The following NDUFS4 variants were observed in gnomAD, a reference collection of about 807,000 sequenced individuals.
NDUFS4 encodes NADH:ubiquinone oxidoreductase subunit S4.
A neutral mutation model predicts 24.3 loss-of-function variants in NDUFS4; 28 were observed. The ratio of observed to expected loss-of-function variants is 1.15; its 90% confidence interval spans 0.85 to 1.58. NDUFS4 has a LOEUF of 1.58. Among genes scored for constraint, NDUFS4 ranks in the 40% most tolerant of loss-of-function variants. NDUFS4 has a pLI of 0.00. For synonymous variants in NDUFS4, 93 were observed against 69.7 expected (o/e 1.34, Z -1.67); for missense variants, 223 against 207.9 (o/e 1.07, Z -0.45).
At chr5:53,630,916 T>G (rs1242656762) in intron 2 of NDUFS4, among the ~76,000 whole-genome samples, 2 of 152,206 alleles carry the variant, frequency 1.3e-5, no homozygotes, top group Non-Finnish European at 2.9e-5. Context: ...TCCAGTTTCC[T>G]TTTCTTGCTG....
At chr5:53,567,153 T>G (rs1749055703) in intron 1 of NDUFS4, among the ~76,000 whole-genome samples, 1 of 152,162 alleles carries the variant, frequency 6.6e-6, no homozygotes, top group African/African-American at 2.4e-5. Flanking sequence ...CCAGCACCCC[T>G]TAATATTTTA....
chr5:53,593,378 G>A (rs926670385), intron 1 of NDUFS4, among the ~76,000 whole-genome samples: 18 of 150,818 alleles, frequency 1.2e-4, no homozygotes, highest in Admixed American at 4.6e-4. Context: ...GATGATACCT[G>A]TTTCATTTTA....
intron 2 of NDUFS4, among the ~76,000 whole-genome samples, chr5:53,632,588 G>T (rs185762246): frequency 1.1e-4 from 16 of 152,166 alleles, no homozygotes; most frequent in South Asian, 6.2e-4. Flanking sequence ...TACCTTTTCT[G>T]CTCTGTGAGA....
At chr5:53,644,048 C>G (rs750949660) in intron 2 of NDUFS4, among the ~76,000 whole-genome samples, 17 of 152,124 alleles carry the variant, frequency 1.1e-4, no homozygotes, top group Non-Finnish European at 2.4e-4. Flanking sequence ...GTCCTTTCTA[C>G]TTTGTAGCTC....
intron 2 of NDUFS4, among the ~76,000 whole-genome samples, chr5:53,642,619 A>C (rs901073956): frequency 2.0e-4 from 31 of 152,134 alleles, no homozygotes; most frequent in African/African-American, 4.6e-4. Context: ...AGAAAAAAAA[A>C]GTTGAAATCA....
chr5:53,658,795 A>AAC (rs1752238513), intron 4 of NDUFS4, 171 bp downstream of exon 4: 1 of 590,952 alleles, frequency 1.7e-6, no homozygotes, highest in East Asian at 2.8e-5. Flanking sequence ...AAAAAAAAAA[A>AAC]AAAAAAAAAC....
intron 4 of NDUFS4, among the ~76,000 whole-genome samples, chr5:53,682,741 TAGTG>T (rs1222030152): frequency 1.3e-5 from 2 of 152,050 alleles, no homozygotes; most frequent in Non-Finnish European, 2.9e-5. Flanking sequence ...TTTAGAATAA[TAGTG>T]AGTTGGTTAT....
At chr5:53,618,409 T>C (rs1750920284) in intron 2 of NDUFS4, among the ~76,000 whole-genome samples, 1 of 152,206 alleles carries the variant, frequency 6.6e-6, no homozygotes, top group Admixed American at 6.5e-5. Context: ...TTAATCAGTT[T>C]TGAATTATTA....
At position 53,601,264 on chromosome 5, in the gene NDUFS4, A is replaced by G. The variant is rs1750313553; in HGVS notation, c.99-2188A>G. Among the ~76,000 whole-genome samples the G allele has an allele frequency of 2.6e-5, 4 of 152,042 alleles. No individual in the cohort carries two copies. The South Asian group carries it at 8.3e-4, about 32-fold the overall frequency. The stretch of plus-strand genomic sequence containing the variant: ...GTGATCCGCCCGCCTCAGCCTCCCA[A>G]AGTGCTGGGATTATAGGCATGAGCC... On this transcript the variant is annotated intron_variant, in intron 1 of 4. Coordinates refer to ENST00000296684, the MANE Select transcript of NDUFS4 (RefSeq NM_002495.4).
At chr5:53,641,967 TCTA>T (rs568583659) in intron 2 of NDUFS4, among the ~76,000 whole-genome samples, 21 of 152,290 alleles carry the variant, frequency 1.4e-4, no homozygotes, top group Admixed American at 6.5e-4. Context: ...CAATATGTGC[TCTA>T]CTAAAACTGT....
chr5:53,675,558 A>G (rs1426500307), intron 4 of NDUFS4, among the ~76,000 whole-genome samples: 2 of 152,160 alleles, frequency 1.3e-5, no homozygotes, highest in Non-Finnish European at 2.9e-5. Context: ...CTATACAGAC[A>G]TTGATAGACA....
intron 1 of NDUFS4, among the ~76,000 whole-genome samples, chr5:53,588,816 A>C (rs561179422): frequency 9.2e-5 from 14 of 152,172 alleles, no homozygotes; most frequent in African/African-American, 3.1e-4. Context: ...ACCATATTTT[A>C]TTTTTGAATT....
At chr5:53,661,184 G>A (rs528992878) in intron 4 of NDUFS4, among the ~76,000 whole-genome samples, 318 of 152,284 alleles carry the variant, frequency 2.1e-3, no homozygotes, top group African/African-American at 5.6e-3. Flanking sequence ...TGTATAAGGT[G>A]TAAGGAAGGG....
At chr5:53,661,482 G>C (rs997033675) in intron 4 of NDUFS4, among the ~76,000 whole-genome samples, 4 of 152,180 alleles carry the variant, frequency 2.6e-5, no homozygotes, top group Admixed American at 2.6e-4. Flanking sequence ...TTGGCAATGC[G>C]GGCTCTTTTT....
At position 53,683,230 on chromosome 5, in the gene NDUFS4, T is replaced by C; in HGVS notation, c.*9T>C. On this transcript the variant is annotated 3_prime_UTR_variant, in exon 5 of 5. Coordinates refer to ENST00000296684, the MANE Select transcript of NDUFS4 (RefSeq NM_002495.4). Reference sequence around the variant, plus strand: ...GAGTATCCACAAAATAGGTTGGCACTGACTATATCTCTGCTTGACTGTGAA... The same window carrying C: ...GAGTATCCACAAAATAGGTTGGCACCGACTATATCTCTGCTTGACTGTGAA... 1 of 1,549,996 alleles carries C rather than the reference T, an allele frequency of 6.5e-7. No homozygotes were observed. Among genetic ancestry groups the C allele is most frequent in the Non-Finnish European group, 8.9e-7 (1 of 1,122,168 alleles).
chr5:53,585,408 A>C (rs1436338885), intron 1 of NDUFS4, among the ~76,000 whole-genome samples: 1 of 152,204 alleles, frequency 6.6e-6, no homozygotes, highest in African/African-American at 2.4e-5. Flanking sequence ...AAAAGCATAA[A>C]TTGAATAACA....
At chr5:53,623,783 A>G (rs891783603) in intron 2 of NDUFS4, among the ~76,000 whole-genome samples, 1 of 152,108 alleles carries the variant, frequency 6.6e-6, no homozygotes, top group Admixed American at 6.5e-5. Context: ...CAGTGGCGCA[A>G]TCTCGGCTCA....
chr5:53,653,682 C>A (rs1359263580), intron 3 of NDUFS4, among the ~76,000 whole-genome samples: 1 of 152,026 alleles, frequency 6.6e-6, no homozygotes, highest in African/African-American at 2.4e-5. Flanking sequence ...CCATAGAAGC[C>A]CCCACAACAA....
intron 3 of NDUFS4, among the ~76,000 whole-genome samples, chr5:53,646,802 T>C (rs1328340206): frequency 3.3e-5 from 5 of 152,192 alleles, no homozygotes; most frequent in African/African-American, 4.8e-5. Context: ...ACTTTTCTTA[T>C]AGTATGTAAG....
Sources: allele counts gnomAD v4.1 joint callset (sites outside exome capture counted in the v4.1 genomes callset), GRCh38; gene constraint gnomAD v4.1.1; transcripts MANE v1.5; gene names NCBI Gene and HGNC (gene_info 2026-07-23, HGNC 2026-07-21).